SPAG6: variants seen among roughly 807,000 people sequenced by gnomAD.
SPAG6 encodes the protein sperm associated antigen 6.
In SPAG6, 49 loss-of-function variants were observed where a neutral mutation model predicts 58.5. The observed-to-expected ratio is 0.84, with a 90% CI of 0.67 to 1.06. SPAG6 has a LOEUF of 1.06. Ranked by LOEUF, SPAG6 falls within the 50% of genes least tolerant of loss-of-function variation. SPAG6 has a pLI of 0.00. For synonymous variants in SPAG6, 233 were observed against 225.6 expected, an observed-to-expected ratio of 1.03 and a Z score of -0.29; for missense variants, 560 against 611.3, an observed-to-expected ratio of 0.92 and a Z score of 0.89.
chr10:22,404,837 G>C (rs1834510405), intron 9 of SPAG6, among the ~76,000 whole-genome samples: 1 of 152,092 alleles, frequency 6.6e-6, no homozygotes, highest in South Asian at 2.1e-4. Context: ...AGTTCTCCTT[G>C]AAGAGGTCCT....
At chr10:22,407,948 C>A (rs1834603550) in intron 9 of SPAG6, among the ~76,000 whole-genome samples, 1 of 148,100 alleles carries the variant, frequency 6.8e-6, no homozygotes, top group Non-Finnish European at 1.5e-5. Flanking sequence ...GAGGCTTCTG[C>A]ATTCTTCACG....
intron 4 of SPAG6, among the ~76,000 whole-genome samples, chr10:22,383,675 G>C (rs1183258266): frequency 6.6e-6 from 1 of 151,736 alleles, no homozygotes; most frequent in Non-Finnish European, 1.5e-5. Context: ...AAAGAAAGAA[G>C]AAAAGAGGAG....
rs142337070 is a variant in SPAG6 at position 22,416,941 on chromosome 10, G to C, written c.*253G>C. 3 of 299,492 alleles carry C rather than the reference G, an allele frequency of 1.0e-5. No individual in the cohort carries two copies. Among genetic ancestry groups the C allele is most frequent in the Non-Finnish European group, 1.9e-5 (3 of 158,678 alleles). The allele number at this position is 299,492 out of a possible 1,614,324, so 18.6% of individuals were successfully genotyped here. The stretch of plus-strand genomic sequence containing the variant: ...TAAAAACACGTTAAAGGGCCTTAAG[G>C]CATTTTGTTATTCTGTTAAAAACCA... On this transcript the variant is annotated 3_prime_UTR_variant, in exon 11 of 11. Coordinates refer to ENST00000376624, the MANE Select transcript of SPAG6 (RefSeq NM_012443.4).
At chr10:22,383,791 C>G (rs1229841258) in intron 4 of SPAG6, among the ~76,000 whole-genome samples, 1 of 152,158 alleles carries the variant, frequency 6.6e-6, no homozygotes, top group Non-Finnish European at 1.5e-5. Context: ...TTGTAGTGGC[C>G]TGTTCATGTA....
At chr10:22,375,067 A>G (rs1833785479) in intron 4 of SPAG6, among the ~76,000 whole-genome samples, 1 of 152,242 alleles carries the variant, frequency 6.6e-6, no homozygotes, top group Non-Finnish European at 1.5e-5. Context: ...TGCTAAATGG[A>G]TAAAGAGAAG....
At chr10:22,386,640 A>C (rs1293141140) in intron 4 of SPAG6, 114 bp from the exon 5 acceptor site, 42 of 757,578 alleles carry the variant, frequency 5.5e-5, no homozygotes, top group Middle Eastern at 5.6e-4. Flanking sequence ...GCAGATGTTG[A>C]GAGAGTGAAG....
At chr10:22,346,461 T>TTCTTCC (rs1314971097) in intron 2 of SPAG6, among the ~76,000 whole-genome samples, 1 of 141,348 alleles carries the variant, frequency 7.1e-6, no homozygotes, top group African/African-American at 3.0e-5. Context: ...CTTCTTCTTC[T>TTCTTCC]TCTTCTTCTT....
intron 2 of SPAG6, among the ~76,000 whole-genome samples, chr10:22,351,687 C>A (rs1337608746): frequency 6.6e-6 from 1 of 152,104 alleles, no homozygotes. Context: ...TTGTACTAGC[C>A]TTAGGAGAAA....
intron 9 of SPAG6, among the ~76,000 whole-genome samples, chr10:22,407,945 C>T (rs1198070579): frequency 2.7e-5 from 4 of 148,162 alleles, no homozygotes; most frequent in Non-Finnish European, 5.9e-5. Flanking sequence ...CCTGAGGCTT[C>T]TGCATTCTTC....
intron 9 of SPAG6, among the ~76,000 whole-genome samples, chr10:22,407,651 G>A (rs997150301): frequency 1.3e-4 from 20 of 151,280 alleles, no homozygotes; most frequent in South Asian, 1.1e-3. Flanking sequence ...TCTTTGTGGC[G>A]TTCTCTGTAT....
At chr10:22,400,038 C>T (rs1307952179) in intron 8 of SPAG6, among the ~76,000 whole-genome samples, 1 of 152,136 alleles carries the variant, frequency 6.6e-6, no homozygotes, top group Non-Finnish European at 1.5e-5. Flanking sequence ...CCTGGGTCTC[C>T]AGGAAACCTT....
At chr10:22,378,075 T>TTTTTTTG (rs1833864321) in intron 4 of SPAG6, among the ~76,000 whole-genome samples, 1 of 136,908 alleles carries the variant, frequency 7.3e-6, no homozygotes, top group Non-Finnish European at 1.5e-5. Context: ...TTTTTTTTTT[T>TTTTTTTG]CTTTTTGAGA....
In SPAG6 at chr10:22,401,209, G is replaced by T. The variant is rs140455009; in HGVS notation, c.1246G>T (p.Ala416Ser). Residue 416 changes from alanine to serine, a missense_variant, in exon 9 of 11, where the codon GCC becomes TCC. By Grantham distance (99) the Ala-to-Ser change is moderately conservative. Coordinates refer to ENST00000376624, the MANE Select transcript of SPAG6 (RefSeq NM_012443.4). ...NILQKCTYLP[A>S]LEPFLYDAPP... ...CCTGCAAAAATGTACCTACTTACCA[G>T]CCCTTGAACCATTTCTATATGATGC... is the stretch of plus-strand genomic sequence containing the variant. 7.6e-5 allele frequency: 122 copies of T among 1,608,730 alleles called. No individual in the cohort carries two copies. The highest frequency in any genetic ancestry group is 1.0e-4 in the Non-Finnish European group (118 of 1,175,456).
chr10:22,401,557 CTTTTAGTAATCT>C (rs1457651702), intron 9 of SPAG6, among the ~76,000 whole-genome samples: 1 of 152,106 alleles, frequency 6.6e-6, no homozygotes, highest in Non-Finnish European at 1.5e-5. Flanking sequence ...TGATAAGTGA[CTTTTAGTAATCT>C]TTCTAGTGTC....
chr10:22,387,474 G>A (rs1256187897), intron 5 of SPAG6, among the ~76,000 whole-genome samples: 1 of 152,064 alleles, frequency 6.6e-6, no homozygotes, highest in Non-Finnish European at 1.5e-5. Flanking sequence ...ATATTGTTCT[G>A]CTTGATGATT....
intron 4 of SPAG6, among the ~76,000 whole-genome samples, chr10:22,385,119 A>G (rs1339804050): frequency 6.6e-6 from 1 of 152,190 alleles, no homozygotes; most frequent in Non-Finnish European, 1.5e-5. Flanking sequence ...CGAATTCTTA[A>G]GCAGAATGTT....
At chr10:22,362,083 ATTTAT>A (rs925335272) in intron 2 of SPAG6, among the ~76,000 whole-genome samples, 1 of 145,684 alleles carries the variant, frequency 6.9e-6, no homozygotes, top group African/African-American at 2.5e-5. Flanking sequence ...ATAAATATAT[ATTTAT>A]TTTATATATT....
chr10:22,380,688 A>G (rs1410525357), intron 4 of SPAG6, among the ~76,000 whole-genome samples: 1 of 152,114 alleles, frequency 6.6e-6, no homozygotes, highest in South Asian at 2.1e-4. Context: ...TATGGCAAAA[A>G]CCAGCCCATC....
intron 8 of SPAG6, among the ~76,000 whole-genome samples, chr10:22,399,109 G>A (rs1455818355): frequency 3.9e-5 from 6 of 152,258 alleles, no homozygotes; most frequent in Middle Eastern, 3.4e-3. Context: ...CTGAGCCACC[G>A]CGCCTGGCTG....
Sources: gnomAD v4.1 joint callset for allele counts (sites outside exome capture counted in the v4.1 genomes callset) on GRCh38, gnomAD v4.1.1 for gene constraint, MANE v1.5 for transcripts, NCBI Gene and HGNC (gene_info 2026-07-23, HGNC 2026-07-21) for gene names.